Variants in AKAP13 observed in about 807,000 individuals in gnomAD.
The protein encoded by AKAP13 is A-kinase anchor protein 13.
A neutral mutation model predicts 264.5 loss-of-function variants in AKAP13; 80 were observed. The ratio of observed to expected loss-of-function variants is 0.30; its 90% CI spans 0.25 to 0.36. The LOEUF (loss-of-function observed/expected upper bound fraction) is 0.36, where lower values mean the gene tolerates loss of function less well. AKAP13 is among the 10% of genes least tolerant of loss of function. The probability of loss-of-function intolerance (pLI) is 1.00; values close to 1 mark genes in which losing one functional copy is unlikely to be tolerated. For missense variants in AKAP13, 3,712 were observed against 3,435.2 expected (o/e 1.08, Z -2.01); for synonymous variants, 1,380 against 1,250.2 (o/e 1.10, Z -2.19).
intron 8 of AKAP13, among the ~76,000 whole-genome samples, chr15:85,602,934 A>G (rs2080156826): frequency 6.6e-6 from 1 of 152,236 alleles, no homozygotes; most frequent in Admixed American, 6.5e-5. Context: ...AAATTTGTTA[A>G]TGTTACTACT....
chr15:85,539,442 A>G (rs746393169), intron 4 of AKAP13, among the ~76,000 whole-genome samples: 10 of 152,198 alleles, frequency 6.6e-5, no homozygotes, highest in Non-Finnish European at 1.3e-4. Context: ...CCAGAATAGT[A>G]CAAAGAATGG....
chr15:85,687,725 C>G (rs2085024707), intron 16 of AKAP13, among the ~76,000 whole-genome samples: 1 of 145,336 alleles, frequency 6.9e-6, no homozygotes, highest in South Asian at 2.2e-4. Flanking sequence ...TGGCTTTTGT[C>G]AATGTAGCAA....
chr15:85,533,950 A>T, intron 4 of AKAP13, 70 bp downstream of exon 4: 6 of 1,451,888 alleles, frequency 4.1e-6, no homozygotes, highest in Non-Finnish European at 5.5e-6. Flanking sequence ...TAATGGGGCT[A>T]CTTTTCTATG....
intron 5 of AKAP13, among the ~76,000 whole-genome samples, chr15:85,562,691 C>CTTTTTTTTTTTTTTTTTTTTTTTT (rs10598092): frequency 9.9e-6 from 1 of 100,520 alleles, no homozygotes; most frequent in African/African-American, 4.1e-5. Flanking sequence ...CTTTTCTTTT[C>CTTTTTTTTTTTTTTTTTTTTTTTT]TTTTTTTTTT....
chr15:85,404,467 A>G (rs1412252419), intron 1 of AKAP13, among the ~76,000 whole-genome samples: 5 of 152,222 alleles, frequency 3.3e-5, no homozygotes, highest in East Asian at 1.9e-4. Context: ...TGAGAAACAT[A>G]TATTGATTAC....
At chr15:85,392,690 G>A (rs1279216891) in intron 1 of AKAP13, among the ~76,000 whole-genome samples, 3 of 152,082 alleles carry the variant, frequency 2.0e-5, no homozygotes, top group Non-Finnish European at 2.9e-5. Context: ...ATAGGCACAC[G>A]CCACTGCACC....
chr15:85,423,177 G>A (rs1047616375), intron 1 of AKAP13, among the ~76,000 whole-genome samples: 8 of 152,210 alleles, frequency 5.3e-5, no homozygotes, highest in Non-Finnish European at 1.0e-4. Context: ...GAGGATTGGA[G>A]CAGCTTAGGC....
chr15:85,513,804 C>G (rs1190687571), intron 2 of AKAP13, among the ~76,000 whole-genome samples: 1 of 88,364 alleles, frequency 1.1e-5, no homozygotes. Context: ...ATACAGTGCC[C>G]TCTCCTCTTG....
At chr15:85,454,012 T>A (rs2074189941) in intron 1 of AKAP13, among the ~76,000 whole-genome samples, 1 of 152,208 alleles carries the variant, frequency 6.6e-6, no homozygotes, top group African/African-American at 2.4e-5. Context: ...GTGGCCCACC[T>A]CTTCCCCTAG....
At chr15:85,568,222 C>G (rs1446154206) in intron 5 of AKAP13, among the ~76,000 whole-genome samples, 1 of 151,808 alleles carries the variant, frequency 6.6e-6, no homozygotes, top group African/African-American at 2.4e-5. Context: ...ATCACTGGAG[C>G]CCCGGAGGTT....
At chr15:85,682,590 G>C (rs1378722606) in intron 15 of AKAP13, among the ~76,000 whole-genome samples, 2 of 152,126 alleles carry the variant, frequency 1.3e-5, no homozygotes, top group African/African-American at 4.8e-5. Flanking sequence ...AATAGTCTTA[G>C]CTATTTTAAG....
Position 85,579,438 on chromosome 15 carries a change from C to A in AKAP13, c.1370C>A (p.Ala457Asp), listed in dbSNP as rs1218963569. 16 of 1,614,150 alleles carry A rather than the reference C, an allele frequency of 9.9e-6. No individual in the cohort carries two copies. The highest frequency in any genetic ancestry group is 1.2e-5 in the Non-Finnish European group (14 of 1,180,010). The change falls in exon 7 of 37, where the codon GCC becomes GAC. Residue 457 changes from alanine to aspartate, a missense_variant. Coordinates refer to ENST00000394518, the MANE Select transcript of AKAP13 (RefSeq NM_007200.5). Reference sequence around the variant, plus strand: ...GACTTGGTCATGGAGCCAGGCACAGCCCAGTATTCCTCTGGAGGTGAACTG... The same window carrying A: ...GACTTGGTCATGGAGCCAGGCACAGACCAGTATTCCTCTGGAGGTGAACTG... ...QRDLVMEPGT[A>D]QYSSGGELGG...
intron 2 of AKAP13, among the ~76,000 whole-genome samples, chr15:85,509,704 C>T (rs960673745): frequency 1.3e-5 from 2 of 152,012 alleles, no homozygotes; most frequent in African/African-American, 2.4e-5. Flanking sequence ...GAATGAATTC[C>T]GATGTAAGGA....
rs374405693 is a variant in AKAP13 at position 85,444,183 on chromosome 15, C to G, written c.-11-41527C>G. On this transcript the variant is annotated intron_variant, in intron 1 of 36. Transcript: ENST00000394518. The stretch of plus-strand genomic sequence containing the variant: ...ATTTTATTTAGTGATTTAGGGCTTT[C>G]CACTCGAGCCAGCTACTTGTTATAT... Among the ~76,000 whole-genome samples, 21 of 152,284 alleles carry G rather than the reference C, an allele frequency of 1.4e-4. No homozygotes were observed. The East Asian group carries it at 3.5e-3, about 25-fold the overall frequency.
chr15:85,484,690 T>C (rs1265183472), intron 1 of AKAP13, among the ~76,000 whole-genome samples: 1 of 152,198 alleles, frequency 6.6e-6, no homozygotes, highest in Non-Finnish European at 1.5e-5. Flanking sequence ...GATTGTAATA[T>C]CGAGATGGTT....
At chr15:85,567,903 G>A (rs1241372530) in intron 5 of AKAP13, among the ~76,000 whole-genome samples, 1 of 151,690 alleles carries the variant, frequency 6.6e-6, no homozygotes, top group East Asian at 1.9e-4. Flanking sequence ...TTAGAGAGCT[G>A]AGAAAAGTAT....
chr15:85,511,349 C>G (rs2076412276), intron 2 of AKAP13, among the ~76,000 whole-genome samples: 1 of 152,134 alleles, frequency 6.6e-6, no homozygotes, highest in African/African-American at 2.4e-5. Flanking sequence ...GGTTTTAGTT[C>G]TTAACTTAGT....
At chr15:85,420,085 G>T (rs2072449761) in intron 1 of AKAP13, among the ~76,000 whole-genome samples, 1 of 151,044 alleles carries the variant, frequency 6.6e-6, no homozygotes, top group Non-Finnish European at 1.5e-5. Flanking sequence ...GGGACTACAG[G>T]CGCCCGCCAC....
chr15:85,685,222 A>G (rs116540654), intron 16 of AKAP13: 1 of 168,210 alleles, frequency 5.9e-6, no homozygotes, highest in Non-Finnish European at 1.3e-5. Context: ...TTTGGTTTCA[A>G]ATCCCATACT....
Sources: allele counts gnomAD v4.1 joint callset (sites outside exome capture counted in the v4.1 genomes callset), GRCh38; gene constraint gnomAD v4.1.1; transcripts MANE v1.5; gene names NCBI Gene and HGNC (gene_info 2026-07-23, HGNC 2026-07-21).